DIS3L: variants seen among roughly 807,000 people sequenced by gnomAD.
DIS3L encodes DIS3-like exonuclease 1.
A neutral mutation model predicts 120.3 loss-of-function variants in DIS3L; 100 were observed. The observed-to-expected ratio is 0.83, with a 90% CI of 0.71 to 0.98. The LOEUF is 0.98. Ranked by LOEUF, DIS3L falls within the 50% of genes least tolerant of loss-of-function variation. DIS3L has a pLI of 0.00. For missense variants in DIS3L, 1,196 were observed against 1,314.2 expected (o/e 0.91, Z 1.39); for synonymous variants, 426 against 470.6 (o/e 0.91, Z 1.23).
chr15:66,294,047 GCCGAGGCCTCCTC>G, intron 1 of DIS3L: 1 of 987,092 alleles, frequency 1.0e-6, no homozygotes, highest in Non-Finnish European at 1.2e-6. Context: ...GGGCGCGGAA[GCCGAGGCCTCCTC>G]CCGCCGCAAC....
chr15:66,323,163 G>A (rs1053188751), intron 10 of DIS3L, among the ~76,000 whole-genome samples: 2 of 152,152 alleles, frequency 1.3e-5, no homozygotes, highest in Admixed American at 6.5e-5. Context: ...CTACTAAATC[G>A]AAATGGGTTA....
chr15:66,314,909 C>A, intron 6 of DIS3L, 127 bp from the exon 7 acceptor site: 1 of 995,070 alleles, frequency 1.0e-6, no homozygotes, highest in African/African-American at 1.6e-5. Flanking sequence ...TTGACTCTAC[C>A]TTTGAAAAGA....
rs755573092 is a variant in DIS3L, at chr15:66,308,689, T to C, written c.423-20T>C. ...TGTTTGTCTGCCTGGGGAGAGCTCATGTGCCCTTTGCTTTTCCAGGAGCAT... is the reference window on the plus strand; with the variant it reads ...TGTTTGTCTGCCTGGGGAGAGCTCACGTGCCCTTTGCTTTTCCAGGAGCAT... On this transcript the variant is annotated intron_variant, in intron 3 of 16. Coordinates refer to ENST00000319212, the MANE Select transcript of DIS3L (RefSeq NM_001143688.3). 7 of 1,603,696 alleles carry C rather than the reference T, an allele frequency of 4.4e-6. No individual in the cohort carries two copies. The East Asian group carries it at 6.7e-5, about 15-fold the overall frequency.
chr15:66,321,529 C>T (rs1056230106), intron 9 of DIS3L, among the ~76,000 whole-genome samples: 3 of 151,996 alleles, frequency 2.0e-5, no homozygotes, highest in African/African-American at 7.3e-5. Context: ...TTTGGGAGGC[C>T]AAGGCAGGTG....
chr15:66,323,349 C>T, intron 10 of DIS3L, 144 bp from the exon 11 acceptor site: 6 of 736,232 alleles, frequency 8.1e-6, no homozygotes, highest in Non-Finnish European at 1.4e-5. Context: ...TTTTATTACC[C>T]AGTCTGCTGC....
Position 66,325,721 on chromosome 15 carries a change from A to T in DIS3L, c.1668-110A>T, listed in dbSNP as rs1474742388. The T allele has an allele frequency of 2.4e-6, 3 of 1,270,992 alleles. No homozygotes were observed. The African/African-American group carries it at 4.5e-5, about 19-fold the overall frequency. The allele number at this position is 1,270,992 out of a possible 1,614,324, so 78.7% of individuals were successfully genotyped here. ...GGCAGCAGTGAGCAGTGATCATGCCATTGCACTCCAGCCTGGGTGACAGAG... is the reference window on the plus strand; with the variant it reads ...GGCAGCAGTGAGCAGTGATCATGCCTTTGCACTCCAGCCTGGGTGACAGAG... On this transcript the variant is annotated intron_variant, in intron 11 of 16. Coordinates refer to ENST00000319212, the MANE Select transcript of DIS3L (RefSeq NM_001143688.3).
intron 1 of DIS3L, chr15:66,293,942 ACT>A (rs2092553872): frequency 1.0e-6 from 1 of 995,704 alleles, no homozygotes; most frequent in African/African-American, 1.7e-5. Context: ...GGCGCCCGGG[ACT>A]CCCTTACTGC....
chr15:66,304,998 CTTTTTTT>C (rs1283384329), intron 2 of DIS3L, among the ~76,000 whole-genome samples: 1 of 105,068 alleles, frequency 9.5e-6, no homozygotes, highest in African/African-American at 3.6e-5. Context: ...AAATCGATTT[CTTTTTTT>C]TTTTTTTTTT....
intron 3 of DIS3L, 107 bp downstream of exon 3, chr15:66,307,059 T>G: frequency 7.0e-7 from 1 of 1,421,244 alleles, no homozygotes; most frequent in Non-Finnish European, 9.6e-7. Context: ...AAACCAACAA[T>G]TATTCTGGAA....
At chr15:66,294,071 C>T (rs2092556540) in intron 1 of DIS3L, 2 of 986,236 alleles carry the variant, frequency 2.0e-6, no homozygotes, top group Admixed American at 6.1e-5. Flanking sequence ...CCGCCGCAAC[C>T]TCGCGCCGTG....
chr15:66,318,485 A>C lies in DIS3L; in HGVS notation c.1031A>C (p.Asp344Ala). The C allele has an allele frequency of 6.2e-7, 1 of 1,613,848 alleles. No homozygotes were observed. Among genetic ancestry groups the C allele is most frequent in the Non-Finnish European group, 8.5e-7 (1 of 1,179,932 alleles). Reference protein sequence around the residue: ...VVGILQKNWRDYVVTFPSKEE... With the variant: ...VVGILQKNWRAYVVTFPSKEE... ...GGCATACTTCAGAAGAACTGGCGGG[A>C]TTATGTGGTGACATTTCCGTCCAAA... is the stretch of plus-strand genomic sequence containing the variant. Residue 344 changes from aspartate to alanine, a missense_variant, in exon 8 of 17, where the codon GAT (aspartate) becomes GCT (alanine). By Grantham distance (126) the Asp-to-Ala change is moderately radical (BLOSUM62 -2). Coordinates refer to ENST00000319212, the MANE Select transcript of DIS3L (RefSeq NM_001143688.3).
intron 12 of DIS3L, 21 bp from the exon 13 acceptor site, chr15:66,328,949 G>C: frequency 6.2e-7 from 1 of 1,607,754 alleles, no homozygotes; most frequent in African/African-American, 1.3e-5. Context: ...ACTAGCTAAC[G>C]GTTTTTCTGT....
At chr15:66,308,587 T>C (rs2140346528) in intron 3 of DIS3L, 122 bp from the exon 4 acceptor site, 2 of 1,282,570 alleles carry the variant, frequency 1.6e-6, no homozygotes, top group South Asian at 2.0e-5. Flanking sequence ...CAGAAGTATT[T>C]GTTGAACGAA....
intron 7 of DIS3L, among the ~76,000 whole-genome samples, chr15:66,315,963 T>C (rs553116973): frequency 1.3e-5 from 2 of 152,274 alleles, no homozygotes; most frequent in East Asian, 1.9e-4. Flanking sequence ...CTGGCTGCTC[T>C]TCTCAGTTCT....
chr15:66,315,798 C>T (rs1273242715), intron 7 of DIS3L, among the ~76,000 whole-genome samples: 1 of 152,210 alleles, frequency 6.6e-6, no homozygotes, highest in Non-Finnish European at 1.5e-5. Context: ...ATTCTGACAC[C>T]TCCCAAGCCC....
At chr15:66,300,954 G>A (rs1456364144) in intron 2 of DIS3L, among the ~76,000 whole-genome samples, 1 of 152,214 alleles carries the variant, frequency 6.6e-6, no homozygotes, top group Non-Finnish European at 1.5e-5. Flanking sequence ...GTGTCTGAAG[G>A]TAAGTCTGTG....
chr15:66,303,197 C>T (rs1462806343), intron 2 of DIS3L, among the ~76,000 whole-genome samples: 1 of 152,178 alleles, frequency 6.6e-6, no homozygotes, highest in Non-Finnish European at 1.5e-5. Flanking sequence ...TTTATCCATT[C>T]ATCCATTGAT....
chr15:66,329,954 T>C (rs1028328049), intron 14 of DIS3L: 1 of 984,666 alleles, frequency 1.0e-6, no homozygotes, highest in African/African-American at 1.8e-5. Context: ...TCACCTGTTA[T>C]CTTACCACCC....
intron 7 of DIS3L, among the ~76,000 whole-genome samples, chr15:66,316,320 T>TA (rs1175920217): frequency 6.6e-6 from 1 of 151,734 alleles, no homozygotes; most frequent in Admixed American, 6.6e-5. Context: ...TTTTTTTTTT[T>TA]ACTCATCAGT....
Sources: allele counts gnomAD v4.1 joint callset (sites outside exome capture counted in the v4.1 genomes callset), GRCh38; gene constraint gnomAD v4.1.1; transcripts MANE v1.5; gene names NCBI Gene and HGNC (gene_info 2026-07-23, HGNC 2026-07-21).